PCNT: variants seen among roughly 807,000 people sequenced by gnomAD.
The protein encoded by PCNT is pericentrin, also known as kendrin.
A neutral mutation model predicts 380.4 loss-of-function variants in PCNT; 319 were observed. The observed-to-expected ratio is 0.84, with a 90% confidence interval of 0.77 to 0.92. PCNT has a LOEUF of 0.92. PCNT is among the 40% of genes least tolerant of loss of function. The probability of loss-of-function intolerance (pLI) is 0.00; values close to 1 mark genes in which losing one functional copy is unlikely to be tolerated. For missense variants in PCNT, 4,400 were observed against 4,255.3 expected (o/e 1.03, Z -0.95); for synonymous variants, 1,845 against 1,735.2 (o/e 1.06, Z -1.57).
intron 29 of PCNT, 54 bp from the exon 30 acceptor site, chr21:46,416,015 C>T (rs1168072578): frequency 4.4e-6 from 7 of 1,579,224 alleles, no homozygotes; most frequent in South Asian, 1.1e-5. Context: ...CAGACAGGTG[C>T]GACTCCTGGT....
In PCNT at chr21:46,440,185, CACACCAGCAAT is replaced by C; in HGVS notation, c.9377_9387del (p.His3126ArgfsTer17). The C allele has an allele frequency of 1.2e-6, 2 of 1,614,140 alleles. No homozygotes were observed. Among genetic ancestry groups the C allele is most frequent in the Non-Finnish European group, 1.7e-6 (2 of 1,180,038 alleles). Reference sequence around the variant, plus strand: ...TCCACCAGCTGCCAGCGAGGAAGCACACACCAGCAATGTCAAGGTAGGAACGGTGCCACGAG... The same window carrying C: ...TCCACCAGCTGCCAGCGAGGAAGCACGTCAAGGTAGGAACGGTGCCACGAG... On this transcript the variant is annotated frameshift_variant, in exon 42 of 47. Coordinates refer to ENST00000359568, the MANE Select transcript of PCNT (RefSeq NM_006031.6). LOFTEE classifies it high-confidence loss of function.
In PCNT at chr21:46,366,649, A is replaced by G; in HGVS notation, c.2675A>G (p.Glu892Gly). The change falls in exon 15 of 47, where the codon GAG becomes GGG. Residue 892 changes from glutamate to glycine, a missense_variant. Glu to Gly is a moderately conservative substitution (Grantham distance 98). Coordinates refer to ENST00000359568, the MANE Select transcript of PCNT (RefSeq NM_006031.6). ...GCGGAACAAGATGCCTTCCTGCAGG[A>G]GGCCCAGGAGCAGCATGCCCGTGAG... ...FSAEQDAFLQ[E>G]AQEQHARELQ... The G allele has an allele frequency of 6.2e-7, 1 of 1,613,916 alleles. No homozygotes were observed. Among genetic ancestry groups the G allele is most frequent in the South Asian group, 1.1e-5 (1 of 91,078 alleles).
rs78112538 is a variant in PCNT, at chr21:46,429,767, G to T, written c.7691-243G>T. On this transcript the variant is annotated intron_variant, in intron 35 of 46. Transcript: ENST00000359568. ...GTGGCATTTTTAGGATGGCCCCAGG[G>T]CTATATCACTCCTGGACTCTGTGTC... Among the ~76,000 whole-genome samples, 888 of 152,204 alleles carry T rather than the reference G, an allele frequency of 5.8e-3. 6 individuals are homozygous for T. The highest frequency in any genetic ancestry group is 0.014 in the Middle Eastern group (4 of 294).
chr21:46,444,682 A>G lies in PCNT; in HGVS notation c.9840-12A>G. 1 of 1,582,698 alleles carries G rather than the reference A, an allele frequency of 6.3e-7. No individual in the cohort carries two copies. Among genetic ancestry groups the G allele is most frequent in the Non-Finnish European group, 8.6e-7 (1 of 1,165,236 alleles). ...TTTTTTTTCTTCTCTTGGTGTGGTA[A>G]TTTGTTTGAAGAGCCACTCCATCCC... is the stretch of plus-strand genomic sequence containing the variant. On this transcript the variant is annotated splice_polypyrimidine_tract_variant and intron_variant, in intron 45 of 46. Coordinates refer to ENST00000359568, the MANE Select transcript of PCNT (RefSeq NM_006031.6).
rs754494294 is a variant in PCNT at position 46,346,200 on chromosome 21, CAG to C, written c.715_716del (p.Gln240GlyfsTer6). On this transcript the variant is annotated frameshift_variant, in exon 4 of 47. Coordinates refer to ENST00000359568, the MANE Select transcript of PCNT (RefSeq NM_006031.6). LOFTEE classifies it high-confidence loss of function. ...SGREDEAGLH[Q>X]SQAVHGLELE... ...CCGTGAAGATGAGGCTGGCCTGCAT[CAG>C]AGTCAGGTGACCCGGCGGGGCCTGC... 2.5e-6 allele frequency: 4 copies of C among 1,613,140 alleles called. No individual in the cohort carries two copies. Among genetic ancestry groups the C allele is most frequent in the Non-Finnish European group, 3.4e-6 (4 of 1,179,514 alleles).
chr21:46,365,568 T>A (rs34171569), intron 14 of PCNT, among the ~76,000 whole-genome samples: 5,483 of 99,772 alleles, frequency 0.055, 661 homozygotes, highest in Admixed American at 0.1. Flanking sequence ...TGGGGTTCTG[T>A]TCACTCCCAT....
rs979013463 is a variant in PCNT, at chr21:46,425,771, G to A, written c.7180-60G>A. ...GCGGCAGCTCGGGGCCGCAGGTGGT[G>A]TAGAGCGTGGCTGTGTGGGGTGGCA... On this transcript the variant is annotated intron_variant, in intron 32 of 46. Coordinates refer to ENST00000359568, the MANE Select transcript of PCNT (RefSeq NM_006031.6). This position sits in a 1 kb window ranked among gnomAD's most constrained non-coding sequence, Gnocchi z 4.2. The A allele has an allele frequency of 1.2e-6, 2 of 1,609,520 alleles. No homozygotes were observed. Among genetic ancestry groups the A allele is most frequent in the South Asian group, 1.1e-5 (1 of 90,988 alleles).
chr21:46,414,790 A>C (rs1251880099), intron 29 of PCNT, among the ~76,000 whole-genome samples: 26 of 70,344 alleles, frequency 3.7e-4, no homozygotes, highest in Admixed American at 7.4e-4. Flanking sequence ...ACAGCCGCCC[A>C]CTCTCCTCCT....
intron 32 of PCNT, among the ~76,000 whole-genome samples, chr21:46,423,741 AAGAGG>A (rs2087359073): frequency 4.9e-4 from 1 of 2,038 alleles, no homozygotes; most frequent in African/African-American, 3.0e-3. Context: ...GGGGGAGGGG[AAGAGG>A]GGAGGAGGAG....
chr21:46,404,479 G>A (rs1171267980), intron 27 of PCNT, among the ~76,000 whole-genome samples: 1 of 152,182 alleles, frequency 6.6e-6, no homozygotes, highest in African/African-American at 2.4e-5. Flanking sequence ...GTTTACCTCG[G>A]CGAGGTACGC....
intron 45 of PCNT, 95 bp downstream of exon 45, chr21:46,444,043 GC>G: frequency 7.4e-7 from 1 of 1,356,270 alleles, no homozygotes; most frequent in Non-Finnish European, 1.0e-6. Flanking sequence ...TCTGGCTTTG[GC>G]CCAGCCCAGG....
In PCNT at chr21:46,425,896, C is replaced by G; in HGVS notation, c.7245C>G (p.Pro2415=). Residue 2415 remains proline (P), a synonymous_variant, in exon 33 of 47, where the codon CCC becomes CCG. Coordinates refer to ENST00000359568, the MANE Select transcript of PCNT (RefSeq NM_006031.6). This position sits in a 1 kb window ranked among gnomAD's most constrained non-coding sequence, Gnocchi z 4.2. ...TGGCGCTGTCAGAAGGCCTTGCACCCCCAAGCGGCGAGCCACACCCACCCC... is the reference window on the plus strand; with the variant it reads ...TGGCGCTGTCAGAAGGCCTTGCACCGCCAAGCGGCGAGCCACACCCACCCC... ...QILALSEGLA[P]PSGEPHPPRK... The G allele has an allele frequency of 6.2e-7, 1 of 1,613,920 alleles. No homozygotes were observed. The highest frequency in any genetic ancestry group is 8.5e-7 in the Non-Finnish European group (1 of 1,180,006).
intron 15 of PCNT, among the ~76,000 whole-genome samples, chr21:46,373,427 T>A (rs566102600): frequency 7.0e-6 from 1 of 141,960 alleles, no homozygotes; most frequent in East Asian, 2.1e-4. Context: ...TGCATGTCAA[T>A]ACTCTTTTTT....
intron 38 of PCNT, among the ~76,000 whole-genome samples, 174 bp from the exon 39 acceptor site, chr21:46,435,730 G>T (rs2053419900): frequency 1.3e-5 from 2 of 152,020 alleles, no homozygotes; most frequent in South Asian, 4.1e-4. Flanking sequence ...TTTTAGTAGA[G>T]GTGGGGTTTC....
chr21:46,415,077 C>T (rs1339927512), intron 29 of PCNT, among the ~76,000 whole-genome samples: 3 of 152,240 alleles, frequency 2.0e-5, no homozygotes, highest in African/African-American at 7.2e-5. Flanking sequence ...CCCCTCGCAG[C>T]CCTCGTGAGT....
At chr21:46,333,158 G>GAAATTA (rs2083610796) in intron 2 of PCNT, among the ~76,000 whole-genome samples, 1 of 152,008 alleles carries the variant, frequency 6.6e-6, no homozygotes, top group East Asian at 1.9e-4. Flanking sequence ...TCATGGCCGG[G>GAAATTA]CGCAGTGACT....
intron 13 of PCNT, among the ~76,000 whole-genome samples, chr21:46,357,751 GA>G (rs2084529300): frequency 6.6e-6 from 1 of 152,308 alleles, no homozygotes; most frequent in East Asian, 1.9e-4. Flanking sequence ...ATTTCTTAGG[GA>G]AACTGTCCAG....
At position 46,412,937 on chromosome 21, in the gene PCNT, C is replaced by T. The variant is rs375834635; in HGVS notation, c.6095C>T (p.Ser2032Leu). The change falls in exon 29 of 47, where the codon TCG (serine) becomes TTG (leucine). Residue 2032 changes from serine to leucine, a missense_variant. By Grantham distance (145) the Ser-to-Leu change is moderately radical. Transcript: ENST00000359568. ...ACCGTCTGCCAGAGGCAGCTGCAGT[C>T]GGAGCTGCTCTTGGTGAAAAATGAA... ...VLTVCQRQLQ[S>L]ELLLVKNEMR... The T allele has an allele frequency of 1.2e-5, 19 of 1,611,634 alleles. No individual in the cohort carries two copies. The highest frequency in any genetic ancestry group is 1.6e-4 in the Middle Eastern group (1 of 6,084).
At position 46,388,923 on chromosome 21, in the gene PCNT, C is replaced by T; in HGVS notation, c.3607+39C>T. The T allele has an allele frequency of 6.4e-7, 1 of 1,560,270 alleles. No individual in the cohort carries two copies. Among genetic ancestry groups the T allele is most frequent in the South Asian group, 1.1e-5 (1 of 87,004 alleles). On this transcript the variant is annotated intron_variant, in intron 18 of 46. Transcript: ENST00000359568. The surrounding 1 kb of genome is among the most constrained non-coding windows in gnomAD (Gnocchi z 4.2). ...GACCAGCTGCCCAGCCCTGTGCTTG[C>T]AGCCCCTCTGTGGTCCTGGAGCTCT...
Sources: gnomAD v4.1 joint callset for allele counts (sites outside exome capture counted in the v4.1 genomes callset) on GRCh38, gnomAD v4.1.1 for gene constraint, Gnocchi (gnomAD v3.1) non-coding constraint, MANE v1.5 for transcripts, NCBI Gene and HGNC (gene_info 2026-07-23, HGNC 2026-07-21) for gene names.